Variants in RAPGEF5 observed in about 807,000 individuals in gnomAD.
RAPGEF5 encodes the protein M-Ras-regulated GEF.
A neutral mutation model predicts 125.2 loss-of-function variants in RAPGEF5; 65 were observed. That is an observed-to-expected ratio of 0.52 (90% CI 0.43 to 0.64). The LOEUF is 0.64. Ranked by LOEUF, RAPGEF5 falls within the 30% of genes least tolerant of loss-of-function variation. The pLI, the probability that RAPGEF5 is intolerant of heterozygous loss-of-function variation, is 0.00. For synonymous variants in RAPGEF5, 391 were observed against 385.9 expected (o/e 1.01, Z -0.16); for missense variants, 958 against 1,048.1 (o/e 0.91, Z 1.19).
At chr7:22,251,514 G>A (rs1023734188) in intron 7 of RAPGEF5, among the ~76,000 whole-genome samples, 6 of 152,100 alleles carry the variant, frequency 3.9e-5, no homozygotes, top group African/African-American at 1.4e-4. Flanking sequence ...AGGCTTCAGG[G>A]GAGTAGCTGC....
chr7:22,248,547 G>T (rs900964852), intron 7 of RAPGEF5, among the ~76,000 whole-genome samples: 3 of 152,144 alleles, frequency 2.0e-5, no homozygotes, highest in Admixed American at 2.0e-4. Context: ...ACCACAGGCT[G>T]CTGGGACAAT....
intron 7 of RAPGEF5, among the ~76,000 whole-genome samples, chr7:22,254,790 A>T (rs1786714137): frequency 6.6e-6 from 1 of 152,042 alleles, no homozygotes; most frequent in Non-Finnish European, 1.5e-5. Context: ...GCACTAGATT[A>T]TCATAAGGAG....
At chr7:22,196,761 C>T (rs965258509) in intron 9 of RAPGEF5, among the ~76,000 whole-genome samples, 2 of 152,202 alleles carry the variant, frequency 1.3e-5, no homozygotes, top group African/African-American at 4.8e-5. Context: ...GAGACAGATG[C>T]TTCTGATTTT....
intron 5 of RAPGEF5, among the ~76,000 whole-genome samples, chr7:22,291,886 T>A (rs1782944450): frequency 6.6e-6 from 1 of 152,354 alleles, no homozygotes. Context: ...GGGAAAACAA[T>A]CTTTTTAACT....
At chr7:22,282,514 T>G (rs972495142) in intron 6 of RAPGEF5, among the ~76,000 whole-genome samples, 1 of 152,198 alleles carries the variant, frequency 6.6e-6, no homozygotes, top group African/African-American at 2.4e-5. Context: ...ATGTTTTAAG[T>G]GATGATAATG....
intron 12 of RAPGEF5, among the ~76,000 whole-genome samples, chr7:22,163,464 G>A (rs1449093260): frequency 6.6e-6 from 1 of 152,114 alleles, no homozygotes; most frequent in Non-Finnish European, 1.5e-5. Flanking sequence ...TGTTAACAAT[G>A]TTTATTTATA....
rs776530486 is a variant in RAPGEF5 at position 22,125,632 on chromosome 7, G to T, written c.2508C>A (p.Thr836=). 2 of 1,612,412 alleles carry T rather than the reference G, an allele frequency of 1.2e-6. No individual in the cohort carries two copies. Among genetic ancestry groups the T allele is most frequent in the Non-Finnish European group, 1.7e-6 (2 of 1,178,562 alleles). The stretch of plus-strand genomic sequence containing the variant: ...ACTGGTTAGTCCTGCAGTGTCTCAG[G>T]GTTCGGACAGTGTCTGCGATCATAT... ...KLHMIADTVR[T]LRHCRTNQFG... The change falls in exon 25 of 26, where the codon ACC becomes ACA. Residue 836 remains threonine, a synonymous_variant. Transcript: ENST00000665637.
intron 24 of RAPGEF5, 33 bp downstream of exon 24, chr7:22,131,004 G>A: frequency 6.5e-7 from 1 of 1,536,552 alleles, no homozygotes; most frequent in Non-Finnish European, 8.8e-7. Flanking sequence ...TTCTGTTACT[G>A]TAAAAAAGGG....
chr7:22,191,126 G>T (rs544417545), intron 11 of RAPGEF5, among the ~76,000 whole-genome samples: 1 of 152,232 alleles, frequency 6.6e-6, no homozygotes, highest in East Asian at 1.9e-4. Context: ...ACCTTTGTCA[G>T]CGACAAGGGG....
At chr7:22,169,695 TA>T (rs34238182) in intron 11 of RAPGEF5, among the ~76,000 whole-genome samples, 24,267 of 126,986 alleles carry the variant, frequency 0.19, 3,645 homozygotes, top group African/African-American at 0.44. Context: ...TCTCTACTGT[TA>T]AAAAAAAAAA....
intron 6 of RAPGEF5, among the ~76,000 whole-genome samples, chr7:22,283,519 TAAG>T (rs1782723631): frequency 1.3e-5 from 2 of 152,172 alleles, no homozygotes; most frequent in Non-Finnish European, 2.9e-5. Flanking sequence ...AAAGCAGCTA[TAAG>T]AAGTTCTATT....
chr7:22,230,024 A>G (rs534059433), intron 8 of RAPGEF5, among the ~76,000 whole-genome samples: 3 of 152,348 alleles, frequency 2.0e-5, no homozygotes, highest in South Asian at 2.1e-4. Flanking sequence ...ATTCAAACAG[A>G]CATTTACCCA....
intron 6 of RAPGEF5, among the ~76,000 whole-genome samples, chr7:22,278,619 T>A (rs528685124): frequency 6.6e-6 from 1 of 151,960 alleles, no homozygotes; most frequent in South Asian, 2.1e-4. Flanking sequence ...TTATTTACCA[T>A]ATTATTTTAT....
intron 7 of RAPGEF5, among the ~76,000 whole-genome samples, chr7:22,241,183 A>G (rs1384138951): frequency 1.3e-5 from 2 of 152,268 alleles, no homozygotes; most frequent in Admixed American, 1.3e-4. Context: ...TATTGCAGAC[A>G]TCTACATTTT....
At chr7:22,310,914 C>T (rs1783454204) in intron 3 of RAPGEF5, among the ~76,000 whole-genome samples, 1 of 152,114 alleles carries the variant, frequency 6.6e-6, no homozygotes, top group South Asian at 2.1e-4. Context: ...ATCATGCCTA[C>T]TTTTCAGATA....
intron 6 of RAPGEF5, among the ~76,000 whole-genome samples, chr7:22,270,518 T>C (rs796476010): frequency 6.6e-5 from 10 of 152,322 alleles, no homozygotes; most frequent in African/African-American, 2.2e-4. Context: ...TGGGTTAGGC[T>C]TGAGAAATGT....
chr7:22,254,524 C>T (rs1442474272), intron 7 of RAPGEF5, among the ~76,000 whole-genome samples: 4 of 149,332 alleles, frequency 2.7e-5, no homozygotes, highest in African/African-American at 7.4e-5. Context: ...AGGAGAATCG[C>T]TTGAACTCAG....
At chr7:22,270,968 T>C (rs1583536017) in intron 6 of RAPGEF5, among the ~76,000 whole-genome samples, 1 of 152,236 alleles carries the variant, frequency 6.6e-6, no homozygotes, top group Non-Finnish European at 1.5e-5. Flanking sequence ...GTTTTTCTAA[T>C]GTAGGACTGT....
intron 6 of RAPGEF5, among the ~76,000 whole-genome samples, chr7:22,279,478 G>T (rs915431195): frequency 2.6e-5 from 4 of 152,122 alleles, no homozygotes; most frequent in Admixed American, 1.3e-4. Context: ...TAGGTAAGAG[G>T]ATATTAAATG....
Sources: allele counts gnomAD v4.1 joint callset (sites outside exome capture counted in the v4.1 genomes callset), GRCh38; gene constraint gnomAD v4.1.1; transcripts MANE v1.5; gene names NCBI Gene and HGNC (gene_info 2026-07-23, HGNC 2026-07-21).